The following SEC16A variants were observed in gnomAD, a reference collection of about 807,000 sequenced individuals.
SEC16A encodes the protein SEC16 homolog A, endoplasmic reticulum export factor, also known as protein transport protein Sec16A.
In SEC16A, 110 loss-of-function variants were observed where a neutral mutation model predicts 221.9. That is an observed-to-expected ratio of 0.50 (90% CI 0.42 to 0.58). The LOEUF is 0.58. SEC16A is among the 20% of genes least tolerant of loss of function. The pLI, the probability that SEC16A is intolerant of heterozygous loss-of-function variation, is 0.00. For missense variants in SEC16A, 3,165 were observed against 3,097.8 expected (o/e 1.02, Z -0.52); for synonymous variants, 1,393 against 1,257.7 (o/e 1.11, Z -2.28).
At position 136,459,549 on chromosome 9, in the gene SEC16A, C is replaced by T. The variant is rs1839184413; in HGVS notation, c.5198G>A (p.Arg1733Lys). Residue 1733 changes from arginine (R) to lysine (K), a missense_variant, in exon 16 of 32, where the codon AGG (arginine) becomes AAG (lysine). Transcript: ENST00000684901. This position sits in a 1 kb window ranked among gnomAD's most constrained non-coding sequence, Gnocchi z 6.1. ...GAAGTGGGCCGCATCCAAGAGGCCC[C>T]TTGAAGCTGCGGAGAGACGACACGA... ...MATMGDTLASRGLLDAAHFCY... is the reference protein window; with the variant it reads ...MATMGDTLASKGLLDAAHFCY... 1 of 1,594,172 alleles carries T rather than the reference C, an allele frequency of 6.3e-7. No individual in the cohort carries two copies. The highest frequency in any genetic ancestry group is 1.3e-5 in the African/African-American group (1 of 74,478).
chr9:136,463,262 G>T, intron 11 of SEC16A, 130 bp from the exon 12 acceptor site: 1 of 1,381,518 alleles, frequency 7.2e-7, no homozygotes. Context: ...TGGCAAGGCT[G>T]GGCTGAAACC....
intron 4 of SEC16A, 116 bp from the exon 5 acceptor site, chr9:136,468,628 C>T (rs1426046053): frequency 1.4e-5 from 9 of 623,304 alleles, no homozygotes; most frequent in Non-Finnish European, 2.5e-5. Context: ...TTTGGTTGTA[C>T]AAAAATTCCA....
intron 31 of SEC16A, among the ~76,000 whole-genome samples, chr9:136,443,228 C>CAA (rs1836451545): frequency 2.5e-5 from 3 of 120,042 alleles, no homozygotes; most frequent in Non-Finnish European, 3.7e-5. Flanking sequence ...GGCCTCGTGT[C>CAA]GACAGAGCTC....
chr9:136,480,639 C>G (rs1008827610), intron 1 of SEC16A, among the ~76,000 whole-genome samples: 1 of 152,176 alleles, frequency 6.6e-6, no homozygotes, highest in Non-Finnish European at 1.5e-5. Context: ...CACCTGTAAT[C>G]CCAGCACTTT....
At chr9:136,462,239 AC>A (rs1265536417) in intron 12 of SEC16A, among the ~76,000 whole-genome samples, 13 of 152,284 alleles carry the variant, frequency 8.5e-5, no homozygotes, top group African/African-American at 2.9e-4. Context: ...TGCTTCTGAG[AC>A]TGGCCTCTCT....
At chr9:136,470,821 G>A (rs1840753700) in intron 4 of SEC16A, among the ~76,000 whole-genome samples, 1 of 152,246 alleles carries the variant, frequency 6.6e-6, no homozygotes, top group African/African-American at 2.4e-5. Context: ...TTAATGAGTA[G>A]CTTTTTCTCT....
intron 9 of SEC16A, 62 bp downstream of exon 9, chr9:136,464,358 C>G (rs1839886132): frequency 6.7e-7 from 1 of 1,496,108 alleles, no homozygotes; most frequent in African/African-American, 1.4e-5. Flanking sequence ...TGACAAACTG[C>G]AAAGCAGAGA....
At position 136,447,205 on chromosome 9, in the gene SEC16A, G is replaced by A. The variant is rs748593462; in HGVS notation, c.6697+22C>T. 7 of 1,583,252 alleles carry A rather than the reference G, an allele frequency of 4.4e-6. No individual in the cohort carries two copies. Among genetic ancestry groups the A allele is most frequent in the Non-Finnish European group, 4.3e-6 (5 of 1,165,718 alleles). The stretch of plus-strand genomic sequence containing the variant: ...AGGAGACTGGGGGCTGACCTGGAGG[G>A]GCTGGTGCTCGTGCTACCTACCTGG... On this transcript the variant is annotated intron_variant, in intron 27 of 31. Transcript: ENST00000684901. This position sits in a 1 kb window ranked among gnomAD's most constrained non-coding sequence, Gnocchi z 5.5.
chr9:136,476,384 C>T lies in SEC16A; in HGVS notation c.1232G>A (p.Arg411His), dbSNP rs199827448. 5.7e-5 allele frequency: 92 copies of T among 1,612,816 alleles called. No homozygotes were observed. The African/African-American group carries it at 6.8e-4, about 12-fold the overall frequency. ...DDFCSSPGLG[R>H]PPAPTHVGAG... ...CCCCACGTGTGTAGGTGCGGGCGGA[C>T]GGCCTAGCCCAGGGCTGGAGCAGAA... Residue 411 changes from arginine to histidine, a missense_variant, in exon 3 of 32, where the codon CGT (arginine) becomes CAT (histidine). This residue lies in a region of SEC16A where 2,030 missense variants were observed against 1,923.1 expected (regional missense o/e 1.06). Transcript: ENST00000684901.
intron 19 of SEC16A, 98 bp from the exon 20 acceptor site, chr9:136,455,891 G>T: frequency 7.6e-7 from 1 of 1,310,388 alleles, no homozygotes; most frequent in Non-Finnish European, 1.0e-6. Context: ...CCTACTTCAG[G>T]ACAGGAGGCA....
intron 22 of SEC16A, among the ~76,000 whole-genome samples, chr9:136,452,166 G>A (rs749498440): frequency 2.4e-4 from 36 of 152,070 alleles, no homozygotes; most frequent in Non-Finnish European, 4.6e-4. Context: ...AGAGACGGCC[G>A]GGCTGGGCGG....
At chr9:136,469,257 C>T (rs1249059495) in intron 4 of SEC16A, among the ~76,000 whole-genome samples, 6 of 152,128 alleles carry the variant, frequency 3.9e-5, no homozygotes, top group Non-Finnish European at 5.9e-5. Flanking sequence ...CGTCAGAGCC[C>T]GTGTGTGTGC....
At chr9:136,472,234 C>T (rs1183619804) in intron 3 of SEC16A, 123 bp from the exon 4 acceptor site, 22 of 1,113,454 alleles carry the variant, frequency 2.0e-5, no homozygotes, top group Non-Finnish European at 2.2e-5. Context: ...AGAGCAAGCT[C>T]GTCCAACAAC....
At chr9:136,480,614 G>A (rs1842197088) in intron 1 of SEC16A, among the ~76,000 whole-genome samples, 1 of 152,158 alleles carries the variant, frequency 6.6e-6, no homozygotes, top group Admixed American at 6.5e-5. Context: ...AGGGGTGGCC[G>A]GGCACGGTGG....
At chr9:136,462,041 G>A (rs984084730) in intron 12 of SEC16A, among the ~76,000 whole-genome samples, 2 of 151,972 alleles carry the variant, frequency 1.3e-5, no homozygotes, top group Admixed American at 6.6e-5. Context: ...CCAGGAGGTC[G>A]AGGCCACATT....
At chr9:136,481,853 C>A (rs1269172879) in intron 1 of SEC16A, among the ~76,000 whole-genome samples, 6 of 152,116 alleles carry the variant, frequency 3.9e-5, no homozygotes, top group Non-Finnish European at 5.9e-5. Context: ...AGGAAGCCAG[C>A]GACAGAGGAG....
chr9:136,445,785 A>T, intron 28 of SEC16A, 66 bp from the exon 29 acceptor site: 1 of 1,330,126 alleles, frequency 7.5e-7, no homozygotes, highest in Non-Finnish European at 1.0e-6. Context: ...ACACCAGGCC[A>T]AAAAATATGA....
chr9:136,461,511 A>G (rs532615821), intron 12 of SEC16A, among the ~76,000 whole-genome samples: 1 of 152,316 alleles, frequency 6.6e-6, no homozygotes, highest in African/African-American at 2.4e-5. Flanking sequence ...ATCCATTTTC[A>G]GCATAAAACA....
At position 136,459,425 on chromosome 9, in the gene SEC16A, C is replaced by T; in HGVS notation, c.5303+19G>A. 2 of 1,569,118 alleles carry T rather than the reference C, an allele frequency of 1.3e-6. No homozygotes were observed. Among genetic ancestry groups the T allele is most frequent in the Admixed American group, 1.8e-5 (1 of 54,842 alleles). ...TTTGAAAGGAAAACTTACAGGACTACACTGACTTGGTTCTTTACCTGTGAT... is the reference window on the plus strand; with the variant it reads ...TTTGAAAGGAAAACTTACAGGACTATACTGACTTGGTTCTTTACCTGTGAT... On this transcript the variant is annotated intron_variant, in intron 16 of 31. Coordinates refer to ENST00000684901, the MANE Select transcript of SEC16A (RefSeq NM_014866.2). This position sits in a 1 kb window ranked among gnomAD's most constrained non-coding sequence, Gnocchi z 6.1.
Sources: gnomAD v4.1 joint callset for allele counts (sites outside exome capture counted in the v4.1 genomes callset) on GRCh38, gnomAD v4.1.1 for gene constraint, gnomAD v4.1.1 regional missense constraint, Gnocchi (gnomAD v3.1) non-coding constraint, MANE v1.5 for transcripts, NCBI Gene and HGNC (gene_info 2026-07-23, HGNC 2026-07-21) for gene names.